The following RAP1GDS1 variants were observed in gnomAD, a reference collection of about 807,000 sequenced individuals.
RAP1GDS1 encodes the protein Rap1 GTPase-GDP dissociation stimulator 1.
In RAP1GDS1, 35 loss-of-function variants were observed where a neutral mutation model predicts 71.1. The observed-to-expected ratio is 0.49, with a 90% CI of 0.38 to 0.65. The LOEUF is 0.65. RAP1GDS1 is among the 30% of genes least tolerant of loss of function. The probability of loss-of-function intolerance (pLI) is 0.00; values close to 1 mark genes in which losing one functional copy is unlikely to be tolerated. For missense variants in RAP1GDS1, 663 were observed against 706.1 expected (o/e 0.94, Z 0.69); for synonymous variants, 229 against 243.1 (o/e 0.94, Z 0.54).
At chr4:98,340,353 G>A (rs900367332) in intron 2 of RAP1GDS1, among the ~76,000 whole-genome samples, 7 of 152,150 alleles carry the variant, frequency 4.6e-5, no homozygotes, top group Non-Finnish European at 8.8e-5. Context: ...GTGAGATTAT[G>A]TCCTTTGCAG....
chr4:98,276,697 A>T (rs1199689656), intron 1 of RAP1GDS1, among the ~76,000 whole-genome samples: 1 of 152,168 alleles, frequency 6.6e-6, no homozygotes, highest in African/African-American at 2.4e-5. Flanking sequence ...CATTCTAAGG[A>T]TACAGAAGGA....
intron 1 of RAP1GDS1, among the ~76,000 whole-genome samples, chr4:98,293,144 GA>G (rs1727213226): frequency 1.3e-5 from 2 of 151,978 alleles, no homozygotes; most frequent in African/African-American, 4.8e-5. Context: ...TAAGAATATG[GA>G]AAAAAGATGT....
At chr4:98,370,169 A>C (rs963948374) in intron 4 of RAP1GDS1, among the ~76,000 whole-genome samples, 1 of 152,194 alleles carries the variant, frequency 6.6e-6, no homozygotes, top group Non-Finnish European at 1.5e-5. Context: ...TCAATGTATG[A>C]AACATAGTGA....
chr4:98,300,203 G>A (rs1401140353), intron 2 of RAP1GDS1, among the ~76,000 whole-genome samples: 2 of 152,172 alleles, frequency 1.3e-5, no homozygotes, highest in Non-Finnish European at 2.9e-5. Flanking sequence ...CCAGCACCCT[G>A]ATTAGGTGGT....
rs1721946899 is a variant in RAP1GDS1, at chr4:98,261,453, G to C, written c.-113G>C. The C allele has an allele frequency of 9.0e-7, 1 of 1,113,786 alleles. No individual in the cohort carries two copies. Among genetic ancestry groups the C allele is most frequent in the African/African-American group, 1.6e-5 (1 of 61,000 alleles). The allele number at this position is 1,113,786 out of a possible 1,614,324, so 69.0% of individuals were successfully genotyped here. A position where few individuals can be genotyped will look rare whatever the true frequency, so the allele number is the denominator to read the frequency against. On this transcript the variant is annotated 5_prime_UTR_variant, in exon 1 of 15. Coordinates refer to ENST00000408927, the MANE Select transcript of RAP1GDS1 (RefSeq NM_001100427.2). ...CTCCTCCCCGGCGGCCGCCCCCCGC[G>C]GGTCCCTCCCTGGCTGCGGGAGAGA...
At chr4:98,339,511 T>C (rs1259564483) in intron 2 of RAP1GDS1, among the ~76,000 whole-genome samples, 1 of 152,140 alleles carries the variant, frequency 6.6e-6, no homozygotes, top group Admixed American at 6.5e-5. Flanking sequence ...CTACAGATAG[T>C]GAAGAGTCTA....
At chr4:98,406,087 G>C (rs972312144) in intron 7 of RAP1GDS1, among the ~76,000 whole-genome samples, 1 of 152,028 alleles carries the variant, frequency 6.6e-6, no homozygotes, top group East Asian at 1.9e-4. Context: ...AGAACAAATG[G>C]AAGCGACTTA....
chr4:98,297,003 C>G (rs1391823320), intron 2 of RAP1GDS1: 1 of 206,498 alleles, frequency 4.8e-6, no homozygotes, highest in African/African-American at 2.4e-5. Flanking sequence ...AAGCTGTCTT[C>G]CCCTGCCTCG....
rs146470285 is a variant in RAP1GDS1, at chr4:98,367,369, G to T, written c.362-11648G>T. 2.7e-3 allele frequency among the ~76,000 whole-genome samples: 414 copies of T among 152,338 alleles called. 3 individuals are homozygous for T. The highest frequency in any genetic ancestry group is 9.2e-3 in the African/African-American group (381 of 41,586). On this transcript the variant is annotated intron_variant, in intron 4 of 14. Transcript: ENST00000408927. ...GTTGGCCAGGCAGAAGTTTGCTTCA[G>T]GGGTGGGACCCTCATGGAGAACCTC...
intron 4 of RAP1GDS1, among the ~76,000 whole-genome samples, chr4:98,373,381 C>G (rs551412781): frequency 1.4e-4 from 21 of 151,778 alleles, no homozygotes; most frequent in Middle Eastern, 3.4e-3. Context: ...TTCCCTCTCT[C>G]TCCCTCCCTC....
intron 6 of RAP1GDS1, among the ~76,000 whole-genome samples, chr4:98,392,989 T>C (rs1170137203): frequency 6.6e-6 from 1 of 152,168 alleles, no homozygotes; most frequent in Non-Finnish European, 1.5e-5. Context: ...TTTCTCTTTG[T>C]TATGGATTAC....
chr4:98,350,984 C>A (rs1011033370), intron 3 of RAP1GDS1, among the ~76,000 whole-genome samples: 1 of 152,146 alleles, frequency 6.6e-6, no homozygotes, highest in African/African-American at 2.4e-5. Context: ...ACATTCCAGT[C>A]TGGGTGATAG....
intron 12 of RAP1GDS1, among the ~76,000 whole-genome samples, chr4:98,424,808 A>G (rs1749389485): frequency 1.3e-5 from 2 of 152,072 alleles, no homozygotes; most frequent in South Asian, 2.1e-4. Context: ...TTTGGAAAAC[A>G]TATTTGGGAG....
chr4:98,276,002 T>A (rs967481447), intron 1 of RAP1GDS1, among the ~76,000 whole-genome samples: 2 of 152,192 alleles, frequency 1.3e-5, no homozygotes, highest in African/African-American at 4.8e-5. Flanking sequence ...TGGGCTGCTG[T>A]AACAGAATAC....
At chr4:98,308,012 G>T (rs1159708011) in intron 2 of RAP1GDS1, among the ~76,000 whole-genome samples, 1 of 151,630 alleles carries the variant, frequency 6.6e-6, no homozygotes, top group African/African-American at 2.4e-5. Context: ...AAATAATAAG[G>T]CCGGGCACAG....
At chr4:98,436,725 T>C (rs1276462626) in intron 13 of RAP1GDS1, among the ~76,000 whole-genome samples, 1 of 152,240 alleles carries the variant, frequency 6.6e-6, no homozygotes, top group African/African-American at 2.4e-5. Context: ...TGTGTTAGTA[T>C]TAAATAGTAA....
intron 6 of RAP1GDS1, among the ~76,000 whole-genome samples, chr4:98,402,270 C>T (rs533540369): frequency 6.6e-6 from 1 of 152,182 alleles, no homozygotes; most frequent in East Asian, 1.9e-4. Flanking sequence ...CAGAGTTTTG[C>T]CATGTTGGCC....
At chr4:98,287,710 A>G (rs1578311643) in intron 1 of RAP1GDS1, among the ~76,000 whole-genome samples, 1 of 152,210 alleles carries the variant, frequency 6.6e-6, no homozygotes, top group East Asian at 1.9e-4. Context: ...AAATATTTCT[A>G]ATTATCCAAG....
At chr4:98,414,765 A>G (rs1747670667) in intron 7 of RAP1GDS1, among the ~76,000 whole-genome samples, 1 of 152,090 alleles carries the variant, frequency 6.6e-6, no homozygotes, top group African/African-American at 2.4e-5. Context: ...AGTCATTGGT[A>G]GCTTTATGGG....
Sources: allele counts gnomAD v4.1 joint callset (sites outside exome capture counted in the v4.1 genomes callset), GRCh38; gene constraint gnomAD v4.1.1; transcripts MANE v1.5; gene names NCBI Gene and HGNC (gene_info 2026-07-23, HGNC 2026-07-21).